The following XXYLT1 variants were observed in gnomAD, a reference collection of about 807,000 sequenced individuals.
XXYLT1 encodes the protein UDP-xylose:alpha-xyloside alpha-1,3-xylosyltransferase.
XXYLT1 carries 20 observed loss-of-function variants against 28.9 expected under a neutral mutation model. The observed-to-expected ratio is 0.69, with a 90% CI of 0.49 to 1.00. XXYLT1 has a LOEUF of 1.00. Among genes scored for constraint, XXYLT1 ranks in the 50% least tolerant of loss-of-function variants. XXYLT1 has a pLI of 0.00. For synonymous variants in XXYLT1, 257 were observed against 253.8 expected, an observed-to-expected ratio of 1.01 and a Z score of -0.12; for missense variants, 542 against 560.1, an observed-to-expected ratio of 0.97 and a Z score of 0.33.
intron 2 of XXYLT1, among the ~76,000 whole-genome samples, chr3:195,216,770 C>T (rs1213908326): frequency 4.1e-5 from 6 of 146,780 alleles, no homozygotes; most frequent in Admixed American, 6.8e-5. Flanking sequence ...TGAAACTATT[C>T]CAATCAATAG....
At chr3:195,121,373 T>G (rs979536371) in intron 3 of XXYLT1, among the ~76,000 whole-genome samples, 3 of 152,170 alleles carry the variant, frequency 2.0e-5, no homozygotes, top group Admixed American at 2.0e-4. Flanking sequence ...GCACGCAGGA[T>G]GGATGGAGAC....
chr3:195,166,447 C>T (rs1183034700), intron 2 of XXYLT1, among the ~76,000 whole-genome samples: 2 of 151,332 alleles, frequency 1.3e-5, no homozygotes, highest in African/African-American at 4.9e-5. Flanking sequence ...GAAACAAGGA[C>T]ACTCTCTTTC....
intron 2 of XXYLT1, among the ~76,000 whole-genome samples, chr3:195,203,554 C>T (rs906559831): frequency 6.6e-5 from 10 of 152,134 alleles, no homozygotes; most frequent in African/African-American, 2.4e-4. Context: ...AGAAGTGAAT[C>T]GAACATTAAC....
chr3:195,139,573 G>C (rs1719378805), intron 3 of XXYLT1, among the ~76,000 whole-genome samples: 1 of 152,214 alleles, frequency 6.6e-6, no homozygotes, highest in African/African-American at 2.4e-5. Flanking sequence ...CCTCTTGAGG[G>C]TGGGGTCTGT....
intron 2 of XXYLT1, chr3:195,175,657 C>T: frequency 6.5e-7 from 1 of 1,536,152 alleles, no homozygotes; most frequent in Non-Finnish European, 8.7e-7. Context: ...TGGATCCTTG[C>T]AGCGAGGTGG....
intron 3 of XXYLT1, among the ~76,000 whole-genome samples, chr3:195,083,861 A>G (rs927451334): frequency 3.9e-5 from 6 of 152,090 alleles, no homozygotes; most frequent in African/African-American, 1.4e-4. Flanking sequence ...CTCCATCTCT[A>G]CTAAAAATAC....
chr3:195,254,134 G>C (rs1317983360), intron 1 of XXYLT1, among the ~76,000 whole-genome samples: 1 of 152,174 alleles, frequency 6.6e-6, no homozygotes, highest in Non-Finnish European at 1.5e-5. Flanking sequence ...GGCCCTCAGC[G>C]CTTGGAGACT....
intron 1 of XXYLT1, among the ~76,000 whole-genome samples, chr3:195,239,239 A>G (rs1724679419): frequency 6.6e-6 from 1 of 152,220 alleles, no homozygotes; most frequent in Non-Finnish European, 1.5e-5. Flanking sequence ...AAAGACTAAA[A>G]CAGGTTTGCA....
At chr3:195,113,643 T>C (rs1214215792) in intron 3 of XXYLT1, among the ~76,000 whole-genome samples, 1 of 152,190 alleles carries the variant, frequency 6.6e-6, no homozygotes, top group Non-Finnish European at 1.5e-5. Context: ...CATGAGCTTT[T>C]TGCTTTACTT....
At chr3:195,159,246 G>A (rs1720751757) in intron 2 of XXYLT1, among the ~76,000 whole-genome samples, 1 of 152,172 alleles carries the variant, frequency 6.6e-6, no homozygotes, top group Non-Finnish European at 1.5e-5. Flanking sequence ...GCAACAAAAA[G>A]AATGGCATGG....
intron 2 of XXYLT1, among the ~76,000 whole-genome samples, chr3:195,190,585 A>G (rs1055248417): frequency 6.6e-6 from 1 of 151,878 alleles, no homozygotes; most frequent in African/African-American, 2.4e-5. Flanking sequence ...ACAGGAAGAA[A>G]CGAAGAGCAC....
At chr3:195,102,002 A>C (rs1307089649) in intron 3 of XXYLT1, among the ~76,000 whole-genome samples, 5 of 122,876 alleles carry the variant, frequency 4.1e-5, no homozygotes, top group Non-Finnish European at 6.7e-5. Context: ...GGAGGACAGA[A>C]AGAAAGTAAA....
chr3:195,270,427 A>G, intron 1 of XXYLT1, 128 bp downstream of exon 1: 2 of 1,340,582 alleles, frequency 1.5e-6, no homozygotes, highest in East Asian at 3.0e-5. Context: ...TGAACACTAC[A>G]TTGCAAGCGG....
chr3:195,218,839 C>A (rs1723692863), intron 2 of XXYLT1, among the ~76,000 whole-genome samples: 1 of 152,014 alleles, frequency 6.6e-6, no homozygotes, highest in Non-Finnish European at 1.5e-5. Context: ...GACTATAAAT[C>A]ATGCTGCTAT....
At chr3:195,102,560 T>C (rs1716851026) in intron 3 of XXYLT1, among the ~76,000 whole-genome samples, 1 of 152,226 alleles carries the variant, frequency 6.6e-6, no homozygotes, top group South Asian at 2.1e-4. Context: ...TTTCTCTGTG[T>C]CTGGCTTATT....
intron 1 of XXYLT1, among the ~76,000 whole-genome samples, chr3:195,262,645 G>C (rs1183235732): frequency 6.6e-6 from 1 of 152,120 alleles, no homozygotes; most frequent in Non-Finnish European, 1.5e-5. Context: ...AATCCCCGTC[G>C]ATCAGTGTAT....
At chr3:195,100,772 A>T (rs958784109) in intron 3 of XXYLT1, among the ~76,000 whole-genome samples, 7 of 152,178 alleles carry the variant, frequency 4.6e-5, no homozygotes, top group Non-Finnish European at 8.8e-5. Flanking sequence ...CAAGCCTTGG[A>T]CTATGTCTAT....
chr3:195,265,449 G>T (rs1725819208), intron 1 of XXYLT1, among the ~76,000 whole-genome samples: 1 of 152,144 alleles, frequency 6.6e-6, no homozygotes, highest in South Asian at 2.1e-4. Context: ...AAGAGATTCG[G>T]GGAAGGTCTT....
chr3:195,244,423 G>C (rs1424096782), intron 1 of XXYLT1, among the ~76,000 whole-genome samples: 1 of 152,162 alleles, frequency 6.6e-6, no homozygotes, highest in African/African-American at 2.4e-5. Flanking sequence ...TGAGCACAGA[G>C]ATTCTGAGTC....
Sources: gnomAD v4.1 joint callset for allele counts (sites outside exome capture counted in the v4.1 genomes callset) on GRCh38, gnomAD v4.1.1 for gene constraint, MANE v1.5 for transcripts, NCBI Gene and HGNC (gene_info 2026-07-23, HGNC 2026-07-21) for gene names.